The following MCPH1 variants were observed in gnomAD, a reference collection of about 807,000 sequenced individuals.
MCPH1 encodes microcephalin 1.
MCPH1 carries 104 observed loss-of-function variants against 84.5 expected under a neutral mutation model. The ratio of observed to expected loss-of-function variants is 1.23; its 90% CI spans 1.05 to 1.45. The LOEUF (loss-of-function observed/expected upper bound fraction) is 1.45. Among genes scored for constraint, MCPH1 ranks in the 40% most tolerant of loss-of-function variants. The probability of loss-of-function intolerance (pLI) is 0.00; values close to 1 mark genes in which losing one functional copy is unlikely to be tolerated. For missense variants in MCPH1, 1,498 were observed against 1,005.7 expected, an observed-to-expected ratio of 1.49 and a Z score of -6.62; for synonymous variants, 514 against 366.8, an observed-to-expected ratio of 1.40 and a Z score of -4.58.
chr8:6,526,177 T>C (rs115688169), intron 12 of MCPH1, among the ~76,000 whole-genome samples: 1,735 of 149,740 alleles, frequency 0.012, 39 homozygotes, highest in African/African-American at 0.04. Flanking sequence ...CCCAGCACTT[T>C]AGGATGCTGC....
Position 6,480,705 on chromosome 8 carries a change from A to T in MCPH1, c.1974-9A>T. On this transcript the variant is annotated splice_polypyrimidine_tract_variant and intron_variant, in intron 10 of 13. Transcript: ENST00000344683. ...ATTCATTTTGTTAATTTTTCCCCCG[A>T]TTTGACAGAAAGCAGAATGTCGTCA... The T allele has an allele frequency of 6.2e-7, 1 of 1,614,100 alleles. No individual in the cohort carries two copies. The highest frequency in any genetic ancestry group is 2.2e-5 in the East Asian group (1 of 44,864).
intron 12 of MCPH1, among the ~76,000 whole-genome samples, chr8:6,533,076 G>A (rs530495158): frequency 7.8e-4 from 118 of 152,178 alleles, no homozygotes; most frequent in Middle Eastern, 3.4e-3. Context: ...GAGTTAATTC[G>A]ACCTATTAAA....
chr8:6,461,206 C>CT (rs902661273), intron 9 of MCPH1, among the ~76,000 whole-genome samples: 25 of 149,526 alleles, frequency 1.7e-4, no homozygotes, highest in African/African-American at 4.7e-4. Context: ...CTTCCATTAG[C>CT]TTTTTTTTTG....
At chr8:6,472,004 T>G (rs776739479) in intron 9 of MCPH1, among the ~76,000 whole-genome samples, 1 of 152,196 alleles carries the variant, frequency 6.6e-6, no homozygotes, top group Non-Finnish European at 1.5e-5. Context: ...AACTGATAAG[T>G]AAAGTTAGTT....
chr8:6,466,668 T>C (rs1806994828), intron 9 of MCPH1, among the ~76,000 whole-genome samples: 1 of 152,064 alleles, frequency 6.6e-6, no homozygotes, highest in Admixed American at 6.5e-5. Flanking sequence ...TCCGATCTCC[T>C]GACCTCGTGA....
intron 12 of MCPH1, among the ~76,000 whole-genome samples, chr8:6,576,722 T>TTTTTTTTTTC (rs1563148341): frequency 1.1e-5 from 1 of 91,534 alleles, no homozygotes; most frequent in African/African-American, 5.0e-5. Context: ...TTTTTTTTTT[T>TTTTTTTTTTC]TTTTTAGTAG....
rs534900296 is a variant in MCPH1, at chr8:6,473,608, G to T, written c.1936-3986G>T. Among the ~76,000 whole-genome samples, 22 of 152,238 alleles carry T rather than the reference G, an allele frequency of 1.4e-4. No individual in the cohort carries two copies. In the South Asian group the frequency reaches 4.1e-3, roughly 29 times the overall value. ...AGCCTCCCAAAGGGCTGGGATTACA[G>T]GCGTGAGCCACCGCGCCCAGCCTGT... On this transcript the variant is annotated intron_variant, in intron 9 of 13. Coordinates refer to ENST00000344683, the MANE Select transcript of MCPH1 (RefSeq NM_024596.5).
chr8:6,574,014 A>G (rs1432883361), intron 12 of MCPH1, among the ~76,000 whole-genome samples: 1 of 152,208 alleles, frequency 6.6e-6, no homozygotes, highest in African/African-American at 2.4e-5. Context: ...CATTCTTACA[A>G]TTTCCCAAGA....
rs1214639189 is a variant in MCPH1, at chr8:6,645,913, GA to G, written c.*2866del. The G allele has an allele frequency of 3.3e-5, 5 of 152,148 alleles. No individual in the cohort carries two copies. Among genetic ancestry groups the G allele is most frequent in the African/African-American group, 9.7e-5 (4 of 41,430 alleles). The allele number at this position is 152,148 out of a possible 1,614,324, so 9.4% of individuals were successfully genotyped here. On this transcript the variant is annotated 3_prime_UTR_variant, in exon 14 of 14. Coordinates refer to ENST00000344683, the MANE Select transcript of MCPH1 (RefSeq NM_024596.5). ...AGACATATACAAAGTTCATAGATTAGAAGATGCAATATTGTTAAGATGATAG... is the reference window on the plus strand; with the variant it reads ...AGACATATACAAAGTTCATAGATTAGAGATGCAATATTGTTAAGATGATAG...
intron 9 of MCPH1, among the ~76,000 whole-genome samples, chr8:6,456,097 A>T (rs1805646319): frequency 6.6e-6 from 1 of 152,200 alleles, no homozygotes; most frequent in African/African-American, 2.4e-5. Context: ...AGATTTCATG[A>T]AAGTTGGCAG....
chr8:6,422,814 G>C (rs1455366379), intron 3 of MCPH1, among the ~76,000 whole-genome samples: 1 of 151,938 alleles, frequency 6.6e-6, no homozygotes, highest in East Asian at 1.9e-4. Context: ...TCAGCCTCCC[G>C]AGTAGCTGGG....
chr8:6,576,810 G>A (rs71525736), intron 12 of MCPH1, among the ~76,000 whole-genome samples: 5 of 137,506 alleles, frequency 3.6e-5, no homozygotes, highest in African/African-American at 8.1e-5. Context: ...TGAGCCACCC[G>A]CCTCGGCCTC....
chr8:6,548,966 C>T (rs566033345), intron 12 of MCPH1, among the ~76,000 whole-genome samples: 1 of 152,180 alleles, frequency 6.6e-6, no homozygotes, highest in Non-Finnish European at 1.5e-5. Context: ...TATGTTTAAC[C>T]AGTACTTAAT....
chr8:6,640,117 T>TGTGC (rs979832485), intron 13 of MCPH1, among the ~76,000 whole-genome samples: 1 of 143,522 alleles, frequency 7.0e-6, no homozygotes, highest in African/African-American at 2.9e-5. Context: ...TGTGTGTGTG[T>TGTGC]GTGCGTGTGT....
At chr8:6,539,344 G>C (rs530100438) in intron 12 of MCPH1, among the ~76,000 whole-genome samples, 1 of 152,284 alleles carries the variant, frequency 6.6e-6, no homozygotes, top group East Asian at 1.9e-4. Flanking sequence ...TGTTTTTATA[G>C]TCTTGGCCTT....
rs556802868 is a variant in MCPH1 at position 6,625,293 on chromosome 8, G to A, written c.2452+3602G>A. The A allele has an allele frequency of 2.5e-4, 250 of 985,474 alleles. 1 individual carries two copies. The African/African-American group carries it at 4.1e-3, about 16-fold the overall frequency. The allele number at this position is 985,474 out of a possible 1,614,324, so 61.0% of individuals were successfully genotyped here. On this transcript the variant is annotated intron_variant, in intron 13 of 13. Transcript: ENST00000344683. The stretch of plus-strand genomic sequence containing the variant: ...GAAACACAGAGAGCGCAAATGCCCT[G>A]TGGCAGGCGTAGGCTTCTTAAGTGT...
intron 12 of MCPH1, among the ~76,000 whole-genome samples, chr8:6,606,837 T>C (rs1484856687): frequency 1.3e-5 from 2 of 152,204 alleles, no homozygotes; most frequent in Non-Finnish European, 2.9e-5. Context: ...TAAGAGCTGA[T>C]GGTTTCATAA....
chr8:6,617,179 G>T (rs1325239833), intron 12 of MCPH1: 2 of 146,346 alleles, frequency 1.4e-5, no homozygotes, highest in African/African-American at 5.2e-5. Context: ...CTTTGAACCA[G>T]TTATAGCATT....
At chr8:6,617,755 C>A (rs1232217062) in intron 12 of MCPH1, among the ~76,000 whole-genome samples, 1 of 152,114 alleles carries the variant, frequency 6.6e-6, no homozygotes, top group African/African-American at 2.4e-5. Context: ...CAGTTCACTG[C>A]AGCCTCAACT....
Sources: gnomAD v4.1 joint callset for allele counts (sites outside exome capture counted in the v4.1 genomes callset) on GRCh38, gnomAD v4.1.1 for gene constraint, MANE v1.5 for transcripts, NCBI Gene and HGNC (gene_info 2026-07-23, HGNC 2026-07-21) for gene names.